Variants in DYNC2I1 observed in about 807,000 individuals in gnomAD.
DYNC2I1 encodes the protein dynein 2 intermediate chain 1, also known as cytoplasmic dynein 2 intermediate chain 1.
Under a neutral mutation model 133.4 loss-of-function variants are expected in DYNC2I1, and 89 were observed. That is an observed-to-expected ratio of 0.67 (90% CI 0.56 to 0.80). The LOEUF (loss-of-function observed/expected upper bound fraction) is 0.80, where lower values mean the gene tolerates loss of function less well. Ranked by LOEUF, DYNC2I1 falls within the 30% of genes least tolerant of loss-of-function variation. The pLI, the probability that DYNC2I1 is intolerant of heterozygous loss-of-function variation, is 0.00. For missense variants in DYNC2I1, 1,291 were observed against 1,314.5 expected (o/e 0.98, Z 0.28); for synonymous variants, 504 against 484.3 (o/e 1.04, Z -0.54).
At position 158,939,740 on chromosome 7, in the gene DYNC2I1, T is replaced by TA. The variant is rs577124870; in HGVS notation, c.2779-2182dup. Among the ~76,000 whole-genome samples, 176 of 152,172 alleles carry TA rather than the reference T, an allele frequency of 1.2e-3. 1 individual carries two copies. The highest frequency in any genetic ancestry group is 4.0e-3 in the African/African-American group (167 of 41,516). On this transcript the variant is annotated intron_variant, in intron 23 of 24. Transcript: ENST00000407559. The stretch of plus-strand genomic sequence containing the variant: ...GCTCTCAAGAAATTCACTTCACCTA[T>TA]AAAGACACACTCATACTAAAAGGGT...
chr7:158,911,010 G>C (rs968302559), intron 11 of DYNC2I1, among the ~76,000 whole-genome samples: 2 of 152,012 alleles, frequency 1.3e-5, no homozygotes, highest in Non-Finnish European at 2.9e-5. Context: ...TTTCAGGCCC[G>C]TGGGCCGAGG....
downstream of DYNC2I1, among the ~76,000 whole-genome samples, chr7:158,957,649 C>T (rs1852232228): frequency 2.6e-5 from 4 of 152,134 alleles, no homozygotes; most frequent in African/African-American, 7.2e-5. Context: ...CGGAGCTCAC[C>T]GGAGGCCACC....
intron 1 of DYNC2I1, among the ~76,000 whole-genome samples, chr7:158,866,302 T>C (rs967738410): frequency 6.6e-6 from 1 of 150,912 alleles, no homozygotes; most frequent in African/African-American, 2.4e-5. Context: ...GGTTGGACTG[T>C]CCATTGGTGT....
At chr7:158,880,712 T>C (rs1389064576) in intron 5 of DYNC2I1, among the ~76,000 whole-genome samples, 2 of 152,200 alleles carry the variant, frequency 1.3e-5, no homozygotes, top group African/African-American at 2.4e-5. Context: ...TGTAAAAGCA[T>C]TGATTGCAGA....
Position 158,930,513 on chromosome 7 carries a change from C to A in DYNC2I1, c.2544C>A (p.Asp848Glu). The change falls in exon 21 of 25, where the codon GAC (aspartate) becomes GAA (glutamate). Residue 848 changes from aspartate to glutamate, a missense_variant and splice_region_variant. Asp to Glu is a conservative substitution (Grantham distance 45). Coordinates refer to ENST00000407559, the MANE Select transcript of DYNC2I1 (RefSeq NM_018051.5). ...LVHSALIQLG[D>E]SLSHKGNEFW... ...ATAGTGCTCTGATCCAGTTGGGTGA[C>A]AGGTAAGATGTGAGGGAAAATGCTT... 2 of 1,612,320 alleles carry A rather than the reference C, an allele frequency of 1.2e-6. No homozygotes were observed. The highest frequency in any genetic ancestry group is 1.7e-6 in the Non-Finnish European group (2 of 1,179,304).
intron 11 of DYNC2I1, among the ~76,000 whole-genome samples, chr7:158,906,542 T>C (rs997085578): frequency 6.6e-5 from 10 of 152,182 alleles, no homozygotes; most frequent in Non-Finnish European, 1.0e-4. Context: ...CACTGCAACC[T>C]CTGCCTCCCG....
chr7:158,861,613 C>T (rs539279470), intron 1 of DYNC2I1, among the ~76,000 whole-genome samples: 1 of 152,270 alleles, frequency 6.6e-6, no homozygotes, highest in Admixed American at 6.5e-5. Context: ...AGGCATCTGC[C>T]GCTTTGACGT....
chr7:158,926,903 C>G (rs1849684203), intron 19 of DYNC2I1, 89 bp from the exon 20 acceptor site: 1 of 929,548 alleles, frequency 1.1e-6, no homozygotes, highest in South Asian at 1.6e-5. Flanking sequence ...ACCTAAATAG[C>G]ACTCCATCTT....
At chr7:158,929,255 C>T (rs6957744) in intron 20 of DYNC2I1, among the ~76,000 whole-genome samples, 1 of 152,244 alleles carries the variant, frequency 6.6e-6, no homozygotes, top group Admixed American at 6.5e-5. Flanking sequence ...AGGAGTCAGC[C>T]ACCATCTTTT....
chr7:158,933,943 ACT>A (rs765071850), intron 21 of DYNC2I1, among the ~76,000 whole-genome samples, 184 bp from the exon 22 acceptor site: 3 of 152,334 alleles, frequency 2.0e-5, no homozygotes, highest in East Asian at 1.9e-4. Context: ...CAGAAGGATA[ACT>A]CTGAAAAAAT....
chr7:158,938,141 A>G (rs1850955273), intron 23 of DYNC2I1, among the ~76,000 whole-genome samples: 1 of 152,212 alleles, frequency 6.6e-6, no homozygotes, highest in African/African-American at 2.4e-5. Flanking sequence ...AACAGATTCA[A>G]CCCAAATAAG....
In DYNC2I1 at chr7:158,856,675, G is replaced by T; in HGVS notation, c.-61G>T. The T allele has an allele frequency of 8.1e-7, 1 of 1,231,442 alleles. No homozygotes were observed. The highest frequency in any genetic ancestry group is 1.0e-6 in the Non-Finnish European group (1 of 986,604). 76.3% of individuals were successfully genotyped at this position (1,231,442 alleles called of 1,614,324 possible). A position where few individuals can be genotyped will look rare whatever the true frequency, so the allele number is the denominator to read the frequency against. On this transcript the variant is annotated 5_prime_UTR_variant, in exon 1 of 25. Transcript: ENST00000407559. ...GGTGCGGGGCACAGGTGGCCTCTTC[G>T]GGGTGGACCGCGCCTGGCCGGGGCC...
chr7:158,888,199 A>G (rs1490627311), intron 7 of DYNC2I1, among the ~76,000 whole-genome samples: 3 of 151,082 alleles, frequency 2.0e-5, no homozygotes, highest in Admixed American at 1.3e-4. Flanking sequence ...TAATTTTTGT[A>G]TTTATAGTAG....
chr7:158,947,197 A>C (rs1339538647), downstream of DYNC2I1, among the ~76,000 whole-genome samples: 1 of 152,156 alleles, frequency 6.6e-6, no homozygotes, highest in Non-Finnish European at 1.5e-5. Context: ...TGGGGAAGGA[A>C]GTGGACAGGC....
rs569813897 is a variant in DYNC2I1 at position 158,864,803 on chromosome 7, GCTCAAAATAA to G, written c.16-5049_16-5040del. Among the ~76,000 whole-genome samples the G allele has an allele frequency of 1.1e-4, 16 of 152,310 alleles. No individual in the cohort carries two copies. In the East Asian group the frequency reaches 2.9e-3, roughly 28 times the overall value. ...TTACAGGTGTGAGCCACCATGCCTG[GCTCAAAATAA>G]CTTCTTTTAAACATTTCTTAATGTT... is the stretch of plus-strand genomic sequence containing the variant. On this transcript the variant is annotated intron_variant, in intron 1 of 24. Coordinates refer to ENST00000407559, the MANE Select transcript of DYNC2I1 (RefSeq NM_018051.5).
At position 158,926,450 on chromosome 7, in the gene DYNC2I1, T is replaced by C; in HGVS notation, c.2420T>C (p.Val807Ala). The C allele has an allele frequency of 6.2e-7, 1 of 1,613,374 alleles. No individual in the cohort carries two copies. Among genetic ancestry groups the C allele is most frequent in the Non-Finnish European group, 8.5e-7 (1 of 1,179,616 alleles). Reference sequence around the variant, plus strand: ...ATCGCTTCCTTGGATGAGAGTGGGGTTCTCAATGTATGGGTGAGTAGTGGC... The same window carrying C: ...ATCGCTTCCTTGGATGAGAGTGGGGCTCTCAATGTATGGGTGAGTAGTGGC... ...FHIASLDESG[V>A]LNVWVVVELP... The change falls in exon 19 of 25, where the codon GTT (valine) becomes GCT (alanine). Residue 807 changes from valine (V) to alanine (A), a missense_variant. Physicochemically the swap from Val to Ala is moderately conservative, Grantham distance 64. Coordinates refer to ENST00000407559, the MANE Select transcript of DYNC2I1 (RefSeq NM_018051.5).
At chr7:158,861,637 C>T (rs901611102) in intron 1 of DYNC2I1, among the ~76,000 whole-genome samples, 1 of 152,192 alleles carries the variant, frequency 6.6e-6, no homozygotes, top group Non-Finnish European at 1.5e-5. Context: ...TTTGACGTAG[C>T]AGCTCACAGA....
chr7:158,847,455 A>G, the DYNC2I1 span, among the ~76,000 whole-genome samples: 135,641 of 152,108 alleles, frequency 0.89, 60,791 homozygotes, highest in African/African-American at 0.98. Context: ...AAAAAGGCAC[A>G]GAATGAGAAA....
chr7:158,957,701 G>T (rs1429103330), downstream of DYNC2I1, among the ~76,000 whole-genome samples: 1 of 152,178 alleles, frequency 6.6e-6, no homozygotes, highest in Non-Finnish European at 1.5e-5. Flanking sequence ...GCCGAGGCCT[G>T]GAGTCCCTGA....
Sources: allele counts gnomAD v4.1 joint callset (sites outside exome capture counted in the v4.1 genomes callset), GRCh38; gene constraint gnomAD v4.1.1; transcripts MANE v1.5; gene names NCBI Gene and HGNC (gene_info 2026-07-23, HGNC 2026-07-21).